The following PCNT variants were observed in gnomAD, a reference collection of about 807,000 sequenced individuals.
The protein encoded by PCNT is kendrin.
Under a neutral mutation model 380.4 loss-of-function variants are expected in PCNT, and 319 were observed. The ratio of observed to expected loss-of-function variants is 0.84; its 90% CI spans 0.77 to 0.92. The LOEUF (loss-of-function observed/expected upper bound fraction) is 0.92, where lower values mean the gene tolerates loss of function less well. Ranked by LOEUF, PCNT falls within the 40% of genes least tolerant of loss-of-function variation. The pLI is 0.00. For synonymous variants in PCNT, 1,845 were observed against 1,735.2 expected, an observed-to-expected ratio of 1.06 and a Z score of -1.57; for missense variants, 4,400 against 4,255.3, an observed-to-expected ratio of 1.03 and a Z score of -0.95.
At position 46,366,579 on chromosome 21, in the gene PCNT, C is replaced by A. The variant is rs2839226; in HGVS notation, c.2610-5C>A. 1.2e-6 allele frequency: 2 copies of A among 1,613,066 alleles called. No individual in the cohort carries two copies. Among genetic ancestry groups the A allele is most frequent in the Non-Finnish European group, 1.7e-6 (2 of 1,179,338 alleles). ...AACTGTCCTGTGTTCACTTTGTTGC[C>A]GCAGGTTTTTAGAGGAACGTAAAGA... On this transcript the variant is annotated splice_region_variant and splice_polypyrimidine_tract_variant and intron_variant, in intron 14 of 46. Transcript: ENST00000359568.
Position 46,425,940 on chromosome 21 carries a change from A to G in PCNT, c.7289A>G (p.Gln2430Arg), listed in dbSNP as rs771373608. The G allele has an allele frequency of 3.1e-6, 5 of 1,613,990 alleles. No individual in the cohort carries two copies. The African/African-American group carries it at 6.7e-5, about 22-fold the overall frequency. ...CCACCCCGGAAGGAAGACGAGATAC[A>G]GGACATCTCGCTCCATGGGGGAAAG... ...PHPPRKEDEI[Q>R]DISLHGGKTQ... The change falls in exon 33 of 47, where the codon CAG becomes CGG. Residue 2430 changes from glutamine (Q) to arginine (R), a missense_variant. Physicochemically the swap from Gln to Arg is conservative, Grantham distance 43. Coordinates refer to ENST00000359568, the MANE Select transcript of PCNT (RefSeq NM_006031.6). This position sits in a 1 kb window ranked among gnomAD's most constrained non-coding sequence, Gnocchi z 4.2.
chr21:46,374,021 C>A (rs916169131), intron 15 of PCNT, among the ~76,000 whole-genome samples: 1 of 152,174 alleles, frequency 6.6e-6, no homozygotes, highest in Non-Finnish European at 1.5e-5. Flanking sequence ...AGCCACTGCG[C>A]CCGGCCGCTC....
Position 46,388,621 on chromosome 21 carries a change from G to A in PCNT, c.3465-121G>A, listed in dbSNP as rs940446693. 7.8e-6 allele frequency: 10 copies of A among 1,274,262 alleles called. No homozygotes were observed. Among genetic ancestry groups the A allele is most frequent in the Admixed American group, 5.1e-5 (3 of 59,034 alleles). The allele number at this position is 1,274,262 out of a possible 1,614,324, so 78.9% of individuals were successfully genotyped here. A position where few individuals can be genotyped will look rare whatever the true frequency, so the allele number is the denominator to read the frequency against. Reference sequence around the variant, plus strand: ...CATGAGGATCATGTCTTCCGGCCCCGTGGGGACAGGCAGCCGTGGGCCGAG... The same window carrying A: ...CATGAGGATCATGTCTTCCGGCCCCATGGGGACAGGCAGCCGTGGGCCGAG... On this transcript the variant is annotated intron_variant, in intron 17 of 46. Transcript: ENST00000359568. The surrounding 1 kb of genome is among the most constrained non-coding windows in gnomAD (Gnocchi z 4.2).
In PCNT at chr21:46,416,146, A is replaced by G; in HGVS notation, c.6228A>G (p.Lys2076=). The change falls in exon 30 of 47, where the codon AAA becomes AAG. Residue 2076 remains lysine, a synonymous_variant. Coordinates refer to ENST00000359568, the MANE Select transcript of PCNT (RefSeq NM_006031.6). ...LVAQVKQLQE[K]LNRLLYSMTF... The stretch of plus-strand genomic sequence containing the variant: ...CTCAGGTGAAACAGCTTCAGGAAAA[A>G]CTGAACCGTTTGCTGTATTCCATGA... 6.2e-7 allele frequency: 1 copy of G among 1,614,076 alleles called. No individual in the cohort carries two copies. Among genetic ancestry groups the G allele is most frequent in the Non-Finnish European group, 8.5e-7 (1 of 1,180,002 alleles).
chr21:46,395,768 T>A (rs1330700393), intron 21 of PCNT, among the ~76,000 whole-genome samples: 1 of 151,080 alleles, frequency 6.6e-6, no homozygotes, highest in African/African-American at 2.4e-5. Flanking sequence ...ATAATAGTAA[T>A]AAAATAGAGA....
At chr21:46,360,891 G>A (rs2084691019) in intron 13 of PCNT, among the ~76,000 whole-genome samples, 1 of 152,094 alleles carries the variant, frequency 6.6e-6, no homozygotes, top group Non-Finnish European at 1.5e-5. Flanking sequence ...AAATGTTTAA[G>A]GTAATTACTG....
chr21:46,400,795 C>T (rs781378719), intron 25 of PCNT, among the ~76,000 whole-genome samples: 34 of 152,226 alleles, frequency 2.2e-4, no homozygotes, highest in Non-Finnish European at 4.0e-4. Flanking sequence ...GCTGGTATTA[C>T]AGGCGTGAAC....
Position 46,354,077 on chromosome 21 carries a change from C to T in PCNT, c.1761+9C>T, listed in dbSNP as rs1022349102. 4 of 1,612,314 alleles carry T rather than the reference C, an allele frequency of 2.5e-6. No individual in the cohort carries two copies. Among genetic ancestry groups the T allele is most frequent in the Non-Finnish European group, 3.4e-6 (4 of 1,178,414 alleles). On this transcript the variant is annotated intron_variant, in intron 11 of 46. Transcript: ENST00000359568. Reference sequence around the variant, plus strand: ...AGCCTGAGCGACATAAGGTAATTGGCCGCGCGCTGAGAAGTGGGGGAGTCC... The same window carrying T: ...AGCCTGAGCGACATAAGGTAATTGGTCGCGCGCTGAGAAGTGGGGGAGTCC...
At position 46,431,748 on chromosome 21, in the gene PCNT, C is replaced by CG. The variant is rs2087772530; in HGVS notation, c.8286dup (p.His2763AlafsTer47). The CG allele has an allele frequency of 1.9e-6, 3 of 1,612,000 alleles. No homozygotes were observed. The African/African-American group carries it at 4.0e-5, about 22-fold the overall frequency. On this transcript the variant is annotated frameshift_variant, in exon 38 of 47. Transcript: ENST00000359568. LOFTEE classifies it high-confidence loss of function. ...CACCCTGGAGCTGTCAGAGGCCTTG[C>CG]GGCACGAGCGGCTCCTGACCGAGCA...
At chr21:46,407,365 G>A (rs1451270589) in intron 27 of PCNT, among the ~76,000 whole-genome samples, 14 of 38,718 alleles carry the variant, frequency 3.6e-4, no homozygotes, top group Admixed American at 1.3e-3. Flanking sequence ...TTTTTGAGAC[G>A]GAGTCTTGCT....
At chr21:46,400,918 G>A (rs565132614) in intron 25 of PCNT, among the ~76,000 whole-genome samples, 53 of 152,280 alleles carry the variant, frequency 3.5e-4, no homozygotes, top group African/African-American at 1.0e-3. Flanking sequence ...AGGGAGGACC[G>A]CTGAGCATCA....
At chr21:46,326,165 A>G (rs539967704) in intron 1 of PCNT, among the ~76,000 whole-genome samples, 1 of 152,376 alleles carries the variant, frequency 6.6e-6, no homozygotes, top group South Asian at 2.1e-4. Flanking sequence ...TTTCTTTACC[A>G]GGCATAATTA....
intron 21 of PCNT, 34 bp downstream of exon 21, chr21:46,391,410 C>A: frequency 1.3e-6 from 2 of 1,511,072 alleles, no homozygotes; most frequent in East Asian, 2.5e-5. Flanking sequence ...GTGGTGCGAG[C>A]TGTGGGGCGC....
rs373681566 is a variant in PCNT, at chr21:46,442,571, C to G, written c.9698C>G (p.Pro3233Arg). Reference sequence around the variant, plus strand: ...CTGGCACAAGGCAAAGCCCCTCGCCCAGGTGGGACTCCAGCTGCTGTTGAC... The same window carrying G: ...CTGGCACAAGGCAAAGCCCCTCGCCGAGGTGGGACTCCAGCTGCTGTTGAC... ...GALAQGKAPRPGPRARQPQSP... is the reference protein window; with the variant it reads ...GALAQGKAPRRGPRARQPQSP... The change falls in exon 44 of 47, where the codon CCA (proline) becomes CGA (arginine). Residue 3233 changes from proline (P) to arginine (R), a missense_variant and splice_region_variant. By Grantham distance (103) the Pro-to-Arg change is moderately radical. Transcript: ENST00000359568. 12 of 1,595,034 alleles carry G rather than the reference C, an allele frequency of 7.5e-6. No individual in the cohort carries two copies. The African/African-American group carries it at 1.6e-4, about 21-fold the overall frequency.
intron 27 of PCNT, among the ~76,000 whole-genome samples, chr21:46,403,155 G>A (rs1223586435): frequency 2.7e-5 from 4 of 150,430 alleles, no homozygotes; most frequent in Non-Finnish European, 4.4e-5. Context: ...GAGAATTAGT[G>A]TGTGTGGTGC....
At chr21:46,400,512 C>CTTTTTTTTT (rs1215264897) in intron 25 of PCNT, among the ~76,000 whole-genome samples, 1 of 84,540 alleles carries the variant, frequency 1.2e-5, no homozygotes, top group Non-Finnish European at 2.2e-5. Flanking sequence ...GTGTCTGATT[C>CTTTTTTTTT]TTTTTTTTTT....
intron 19 of PCNT, 89 bp downstream of exon 19, chr21:46,389,520 C>T (rs752207286): frequency 3.0e-5 from 31 of 1,034,238 alleles, no homozygotes; most frequent in African/African-American, 6.4e-5. Context: ...CCGGTGCCAA[C>T]GACGCTCGCA....
intron 16 of PCNT, among the ~76,000 whole-genome samples, chr21:46,383,285 T>C (rs1372463192): frequency 1.4e-5 from 2 of 144,602 alleles, no homozygotes; most frequent in Non-Finnish European, 3.0e-5. Context: ...GTGCTGTGCA[T>C]TCAGCAGCGG....
At chr21:46,373,085 A>C (rs2085206369) in intron 15 of PCNT, among the ~76,000 whole-genome samples, 1 of 152,160 alleles carries the variant, frequency 6.6e-6, no homozygotes, top group Non-Finnish European at 1.5e-5. Context: ...TAGTGATGCA[A>C]CCACAGCTCA....
Sources: allele counts gnomAD v4.1 joint callset (sites outside exome capture counted in the v4.1 genomes callset), GRCh38; gene constraint gnomAD v4.1.1; non-coding constraint Gnocchi (gnomAD v3.1); transcripts MANE v1.5; gene names NCBI Gene and HGNC (gene_info 2026-07-23, HGNC 2026-07-21).